IMPG2: variants seen among roughly 807,000 people sequenced by gnomAD.
IMPG2 encodes IPM 200.
Under a neutral mutation model 129.2 loss-of-function variants are expected in IMPG2, and 91 were observed. The ratio of observed to expected loss-of-function variants is 0.70; its 90% CI spans 0.59 to 0.84. The LOEUF (loss-of-function observed/expected upper bound fraction) is 0.84. IMPG2 is among the 40% of genes least tolerant of loss of function. IMPG2 has a pLI of 0.00. For missense variants in IMPG2, 1,430 were observed against 1,461.7 expected, an observed-to-expected ratio of 0.98 and a Z score of 0.35; for synonymous variants, 510 against 517.7, an observed-to-expected ratio of 0.99 and a Z score of 0.20.
intron 3 of IMPG2, among the ~76,000 whole-genome samples, chr3:101,298,831 G>GT (rs1466744886): frequency 6.6e-6 from 1 of 152,060 alleles, no homozygotes; most frequent in African/African-American, 2.4e-5. Context: ...TGCCTCTAAC[G>GT]TTTTTTTCTT....
intron 9 of IMPG2, among the ~76,000 whole-genome samples, chr3:101,264,358 C>G (rs1184996806): frequency 6.6e-6 from 1 of 151,884 alleles, no homozygotes; most frequent in Non-Finnish European, 1.5e-5. Flanking sequence ...ACACCATGAC[C>G]AAGTAGGATT....
chr3:101,241,870 A>T (rs909807847), intron 14 of IMPG2, among the ~76,000 whole-genome samples: 2 of 152,024 alleles, frequency 1.3e-5, no homozygotes, highest in African/African-American at 4.8e-5. Context: ...TCTACTAAAA[A>T]TACAAAAAAT....
intron 9 of IMPG2, among the ~76,000 whole-genome samples, chr3:101,264,768 T>C (rs755410117): frequency 4.6e-5 from 7 of 152,040 alleles, no homozygotes; most frequent in Non-Finnish European, 7.4e-5. Context: ...TATCCCTGTT[T>C]GCCGATCATG....
At chr3:101,252,218 T>C (rs148019153) in intron 11 of IMPG2, among the ~76,000 whole-genome samples, 53 of 152,272 alleles carry the variant, frequency 3.5e-4, no homozygotes, top group African/African-American at 1.1e-3. Flanking sequence ...GAAATCTACA[T>C]TTTTATGTAA....
At chr3:101,263,524 T>C (rs930343686) in intron 9 of IMPG2, among the ~76,000 whole-genome samples, 71 of 151,856 alleles carry the variant, frequency 4.7e-4, no homozygotes, top group African/African-American at 1.6e-3. Flanking sequence ...AAACACAACA[T>C]ACCAAAACCT....
intron 9 of IMPG2, among the ~76,000 whole-genome samples, chr3:101,266,688 A>G (rs1261112750): frequency 1.3e-5 from 2 of 152,184 alleles, no homozygotes; most frequent in African/African-American, 2.4e-5. Flanking sequence ...CAACCCAGCC[A>G]TTGTTGAGAT....
At position 101,257,633 on chromosome 3, in the gene IMPG2, G is replaced by A. The variant is rs777372670; in HGVS notation, c.1049C>T (p.Thr350Ile). 6.2e-7 allele frequency: 1 copy of A among 1,613,394 alleles called. No individual in the cohort carries two copies. Among genetic ancestry groups the A allele is most frequent in the Non-Finnish European group, 8.5e-7 (1 of 1,179,556 alleles). Residue 350 changes from threonine to isoleucine, a missense_variant, in exon 10 of 19, where the codon ACA becomes ATA. Physicochemically the swap from Thr to Ile is moderately conservative, Grantham distance 89 (BLOSUM62 -1). Coordinates refer to ENST00000193391, the MANE Select transcript of IMPG2 (RefSeq NM_016247.4). ...ELDDKPTVVY[T>I]ISNFRDYIAE... is the part of the protein sequence containing the mutation. Reference sequence around the variant, plus strand: ...AATATAATCTCTGAAGTTACTGATTGTATAAACAACAGTGGGTTTATCATC... The same window carrying A: ...AATATAATCTCTGAAGTTACTGATTATATAAACAACAGTGGGTTTATCATC...
chr3:101,254,945 C>G (rs1706582865), intron 10 of IMPG2, among the ~76,000 whole-genome samples: 1 of 151,994 alleles, frequency 6.6e-6, no homozygotes, highest in Non-Finnish European at 1.5e-5. Context: ...GACTCTCTCT[C>G]TCTCTCAGTC....
intron 11 of IMPG2, among the ~76,000 whole-genome samples, chr3:101,247,901 T>C (rs1335890464): frequency 6.6e-6 from 1 of 152,212 alleles, no homozygotes; most frequent in Non-Finnish European, 1.5e-5. Flanking sequence ...GCTATAGCTA[T>C]GAACAAAATG....
intron 7 of IMPG2, among the ~76,000 whole-genome samples, chr3:101,270,579 CACG>C (rs574105723): frequency 1.5e-4 from 23 of 151,890 alleles, no homozygotes; most frequent in Non-Finnish European, 2.9e-4. Flanking sequence ...GCGGGTGGAT[CACG>C]AGGTCAGGAG....
At chr3:101,293,049 A>G (rs975819793) in intron 3 of IMPG2, among the ~76,000 whole-genome samples, 1 of 152,176 alleles carries the variant, frequency 6.6e-6, no homozygotes, top group African/African-American at 2.4e-5. Context: ...GAAGTCATCC[A>G]TGAGAGTCGG....
intron 9 of IMPG2, among the ~76,000 whole-genome samples, chr3:101,262,058 G>T: frequency 6.6e-6 from 1 of 152,008 alleles, no homozygotes; most frequent in East Asian, 1.9e-4. Flanking sequence ...CTCCTCAGAT[G>T]CCCTGATTGA....
chr3:101,227,041 A>C (rs546346736), intron 18 of IMPG2, 60 bp from the exon 19 acceptor site: 1 of 1,514,058 alleles, frequency 6.6e-7, no homozygotes, highest in African/African-American at 1.4e-5. Context: ...AATAAAATGC[A>C]ATTACTGTCA....
chr3:101,244,027 T>C lies in IMPG2; in HGVS notation c.2304A>G (p.Pro768=), dbSNP rs2107219787. Residue 768 remains proline, a synonymous_variant, in exon 13 of 19, where the codon CCA becomes CCG. Transcript: ENST00000193391. ...ATATAGTCCACAAAGTTTGCATATCTGGCTTTACCATTGAAACCTCACTGT... is the reference window on the plus strand; with the variant it reads ...ATATAGTCCACAAAGTTTGCATATCCGGCTTTACCATTGAAACCTCACTGT... ...WFDSEVSMVK[P]DMQTLWTILP... 6.2e-7 allele frequency: 1 copy of C among 1,614,192 alleles called. No homozygotes were observed. Among genetic ancestry groups the C allele is most frequent in the Non-Finnish European group, 8.5e-7 (1 of 1,180,040 alleles).
chr3:101,242,866 G>A lies in IMPG2; in HGVS notation c.2844C>T (p.Asn948=), dbSNP rs768770549. The A allele has an allele frequency of 6.2e-7, 1 of 1,613,934 alleles. No homozygotes were observed. Among genetic ancestry groups the A allele is most frequent in the Non-Finnish European group, 8.5e-7 (1 of 1,179,980 alleles). ...YLQSNLTGFQ[N]LEILNFRNGS... is the part of the protein sequence containing the mutation. The stretch of plus-strand genomic sequence containing the variant: ...CATTTCTGAAGTTGAGGATTTCTAA[G>A]TTCTGGAACCCCGTGAGATTTGACT... The change falls in exon 14 of 19, where the codon AAC becomes AAT. Residue 948 remains asparagine (N), a synonymous_variant. Transcript: ENST00000193391.
rs1460052462 is a variant in IMPG2, at chr3:101,256,209, GAAAGAAAGA to G, written c.1153+1311_1153+1319del. On this transcript the variant is annotated intron_variant, in intron 10 of 18. Coordinates refer to ENST00000193391, the MANE Select transcript of IMPG2 (RefSeq NM_016247.4). ...AGAAAGAAAGAAAGAAAGAAAGAAA[GAAAGAAAGA>G]AAAAAATATCTTATTTGGGAAATAA... Among the ~76,000 whole-genome samples the G allele has an allele frequency of 7.6e-5, 11 of 143,850 alleles. No individual in the cohort carries two copies. In the East Asian group the frequency reaches 1.7e-3, roughly 22 times the overall value. 94.4% of individuals were successfully genotyped at this position (143,850 alleles called of 152,430 possible).
intron 11 of IMPG2, among the ~76,000 whole-genome samples, chr3:101,247,345 C>T (rs1706491130): frequency 6.6e-6 from 1 of 152,214 alleles, no homozygotes; most frequent in South Asian, 2.1e-4. Context: ...CGCCTGTAAT[C>T]CCAGCACTTT....
chr3:101,242,897 T>C lies in IMPG2; in HGVS notation c.2813A>G (p.Tyr938Cys). Residue 938 changes from tyrosine (Y) to cysteine (C), a missense_variant, in exon 14 of 19, where the codon TAT becomes TGT. Physicochemically the swap from Tyr to Cys is radical, Grantham distance 194. Coordinates refer to ENST00000193391, the MANE Select transcript of IMPG2 (RefSeq NM_016247.4). Reference protein sequence around the residue: ...EQRFLELLVPYLQSNLTGFQN... With the variant: ...EQRFLELLVPCLQSNLTGFQN... Reference sequence around the variant, plus strand: ...GAACCCCGTGAGATTTGACTGGAGATAGGGAACCAGCTACAATATACAAAA... The same window carrying C: ...GAACCCCGTGAGATTTGACTGGAGACAGGGAACCAGCTACAATATACAAAA... 6.2e-7 allele frequency: 1 copy of C among 1,613,566 alleles called. No homozygotes were observed. The highest frequency in any genetic ancestry group is 8.5e-7 in the Non-Finnish European group (1 of 1,179,536).
intron 3 of IMPG2, among the ~76,000 whole-genome samples, chr3:101,299,147 T>C (rs1707113898): frequency 6.6e-6 from 1 of 152,210 alleles, no homozygotes; most frequent in South Asian, 2.1e-4. Flanking sequence ...TTCAGCAAAA[T>C]AGTCTTCAAA....
Sources: allele counts gnomAD v4.1 joint callset (sites outside exome capture counted in the v4.1 genomes callset), GRCh38; gene constraint gnomAD v4.1.1; transcripts MANE v1.5; gene names NCBI Gene and HGNC (gene_info 2026-07-23, HGNC 2026-07-21).